The following ABL2 variants were observed in gnomAD, a reference collection of about 807,000 sequenced individuals.
ABL2 encodes the protein tyrosine-protein kinase ABL2.
Under a neutral mutation model 107.7 loss-of-function variants are expected in ABL2, and 49 were observed. The observed-to-expected ratio is 0.45, with a 90% CI of 0.36 to 0.58. The LOEUF (loss-of-function observed/expected upper bound fraction) is 0.58, where lower values mean the gene tolerates loss of function less well. Ranked by LOEUF, ABL2 falls within the 20% of genes least tolerant of loss-of-function variation. The pLI, the probability that ABL2 is intolerant of heterozygous loss-of-function variation, is 0.00. For missense variants in ABL2, 1,245 were observed against 1,457.0 expected (o/e 0.85, Z 2.37); for synonymous variants, 549 against 548.6 (o/e 1.00, Z -0.01).
At chr1:179,187,390 C>T (rs574220167) in intron 1 of ABL2, among the ~76,000 whole-genome samples, 38 of 152,264 alleles carry the variant, frequency 2.5e-4, no homozygotes, top group African/African-American at 9.1e-4. Flanking sequence ...CTTTGATATA[C>T]ATTGGAGAAA....
intron 1 of ABL2, among the ~76,000 whole-genome samples, chr1:179,157,890 C>T (rs1232858675): frequency 6.6e-6 from 1 of 152,058 alleles, no homozygotes; most frequent in African/African-American, 2.4e-5. Context: ...AATCTTTAAG[C>T]ATAGGAGCTA....
intron 1 of ABL2, among the ~76,000 whole-genome samples, chr1:179,199,338 TATAAAA>T (rs1166317585): frequency 2.0e-5 from 3 of 152,204 alleles, no homozygotes; most frequent in African/African-American, 7.2e-5. Flanking sequence ...GTTCTTAAAC[TATAAAA>T]AGTCTCAGTG....
chr1:179,166,864 C>T (rs1659418581), intron 1 of ABL2, among the ~76,000 whole-genome samples: 1 of 151,540 alleles, frequency 6.6e-6, no homozygotes, highest in African/African-American at 2.4e-5. Flanking sequence ...ATTATGTTAC[C>T]CCACTTGGAA....
At chr1:179,114,115 C>T (rs1363212748) in intron 9 of ABL2, among the ~76,000 whole-genome samples, 5 of 151,740 alleles carry the variant, frequency 3.3e-5, no homozygotes, top group African/African-American at 7.3e-5. Context: ...ATTAGCCAGG[C>T]GTGGTGGCAG....
intron 1 of ABL2, chr1:179,183,944 C>A: frequency 3.8e-6 from 1 of 264,704 alleles, no homozygotes; most frequent in East Asian, 1.1e-4. Flanking sequence ...CTAGACTTGC[C>A]GAAGAGAGAA....
chr1:179,103,417 C>T lies in ABL2; in HGVS notation c.*4301G>A. 4.9e-6 allele frequency: 1 copy of T among 203,334 alleles called. No individual in the cohort carries two copies. 12.6% of individuals were successfully genotyped at this position (203,334 alleles called of 1,614,324 possible). A position where few individuals can be genotyped will look rare whatever the true frequency, so the allele number is the denominator to read the frequency against. ...AGTTATATTACAGTTGATATTTTCT[C>T]AAAGTGCTGTCATATACATTATCTC... On this transcript the variant is annotated 3_prime_UTR_variant, in exon 12 of 12. Transcript: ENST00000502732.
intron 1 of ABL2, among the ~76,000 whole-genome samples, chr1:179,134,619 T>C (rs936420121): frequency 6.6e-5 from 10 of 152,236 alleles, no homozygotes; most frequent in African/African-American, 2.2e-4. Context: ...CCAGTGGCTC[T>C]TTTCTCTCTG....
chr1:179,218,537 C>T (rs533597666), intron 1 of ABL2, among the ~76,000 whole-genome samples: 259 of 152,326 alleles, frequency 1.7e-3, no homozygotes, highest in Non-Finnish European at 2.3e-3. Flanking sequence ...GCTGGGACTA[C>T]AGGCGTACGC....
chr1:179,201,481 A>G (rs1263500627), intron 1 of ABL2: 1 of 229,152 alleles, frequency 4.4e-6, no homozygotes, highest in Non-Finnish European at 8.6e-6. Flanking sequence ...AGATTTAAAG[A>G]TAGTAATCCA....
chr1:179,198,693 C>CAAAAAAAA (rs534990752), intron 1 of ABL2, among the ~76,000 whole-genome samples: 3 of 34,936 alleles, frequency 8.6e-5, no homozygotes, highest in African/African-American at 1.3e-4. Flanking sequence ...ACTCCATCTC[C>CAAAAAAAA]AAAAAAAAAA....
chr1:179,110,224 C>T, intron 11 of ABL2, 58 bp downstream of exon 11: 1 of 1,596,118 alleles, frequency 6.3e-7, no homozygotes, highest in South Asian at 1.1e-5. Context: ...CCTCACACCC[C>T]ATGCTTCTTT....
chr1:179,140,991 CT>C (rs1657529614), intron 1 of ABL2, among the ~76,000 whole-genome samples: 1 of 151,864 alleles, frequency 6.6e-6, no homozygotes, highest in African/African-American at 2.4e-5. Context: ...TGGCGGGTGC[CT>C]GTAATCCCAA....
At chr1:179,201,891 G>C in intron 1 of ABL2, 4 of 1,320,110 alleles carry the variant, frequency 3.0e-6, no homozygotes, top group Non-Finnish European at 2.9e-6. Flanking sequence ...CACCTCCATT[G>C]AGGAAATGCC....
intron 1 of ABL2, among the ~76,000 whole-genome samples, chr1:179,138,833 T>G (rs867283789): frequency 6.6e-6 from 1 of 151,872 alleles, no homozygotes; most frequent in South Asian, 2.1e-4. Context: ...TGCAGGGAGG[T>G]GTGGAGGGAG....
chr1:179,229,635 C>CCGCCAA lies in ABL2; in HGVS notation c.-239_-238insTTGGCG. 2.9e-6 allele frequency: 1 copy of CCGCCAA among 345,082 alleles called. No individual in the cohort carries two copies. Among genetic ancestry groups the CCGCCAA allele is most frequent in the South Asian group, 4.6e-5 (1 of 21,722 alleles). The allele number at this position is 345,082 out of a possible 1,614,324, so 21.4% of individuals were successfully genotyped here. A position where few individuals can be genotyped will look rare whatever the true frequency, so the allele number is the denominator to read the frequency against. On this transcript the variant is annotated 5_prime_UTR_variant, in exon 1 of 12. Coordinates refer to ENST00000502732, the MANE Select transcript of ABL2 (RefSeq NM_007314.4). ...CTGTCGCGGCTCCGCGCCCCCAACGCCGCCGCCGCCGCCGCCGCCACCGCC... is the reference window on the plus strand; with the variant it reads ...CTGTCGCGGCTCCGCGCCCCCAACGCCGCCAACGCCGCCGCCGCCGCCGCCACCGCC...
At chr1:179,168,118 T>A (rs1186866524) in intron 1 of ABL2, among the ~76,000 whole-genome samples, 4 of 152,212 alleles carry the variant, frequency 2.6e-5, no homozygotes, top group Admixed American at 6.6e-5. Flanking sequence ...AGTAACAAAT[T>A]CCTGCAATAT....
At position 179,174,038 on chromosome 1, in the gene ABL2, C is replaced by A. The variant is rs545467001; in HGVS notation, c.158-40664G>T. Among the ~76,000 whole-genome samples, 5 of 152,236 alleles carry A rather than the reference C, an allele frequency of 3.3e-5. No individual in the cohort carries two copies. The South Asian group carries it at 6.2e-4, about 19-fold the overall frequency. On this transcript the variant is annotated intron_variant, in intron 1 of 11. Coordinates refer to ENST00000502732, the MANE Select transcript of ABL2 (RefSeq NM_007314.4). ...GGTGCGGTGGCTCACGCCTTTAATC[C>A]CAGCATTTTGGGAGGCCGAGGTGGG... is the stretch of plus-strand genomic sequence containing the variant.
At chr1:179,217,596 A>G (rs1662639368) in intron 1 of ABL2, among the ~76,000 whole-genome samples, 1 of 151,770 alleles carries the variant, frequency 6.6e-6, no homozygotes, top group Admixed American at 6.6e-5. Flanking sequence ...ATTGCACTCC[A>G]GCCTGGGCAA....
At chr1:179,201,919 T>G in intron 1 of ABL2, 1 of 1,258,272 alleles carries the variant, frequency 7.9e-7, no homozygotes, top group Non-Finnish European at 1.0e-6. Flanking sequence ...GTTGCCGACC[T>G]CATCTGAGGG....
Sources: allele counts gnomAD v4.1 joint callset (sites outside exome capture counted in the v4.1 genomes callset), GRCh38; gene constraint gnomAD v4.1.1; transcripts MANE v1.5; gene names NCBI Gene and HGNC (gene_info 2026-07-23, HGNC 2026-07-21).